The following KDM5D variants were observed in gnomAD, a reference collection of about 807,000 sequenced individuals.
KDM5D encodes the protein lysine-specific demethylase 5D.
A neutral mutation model predicts 31.9 loss-of-function variants in KDM5D; 25 were observed. The observed-to-expected ratio is 0.78, with a 90% CI of 0.57 to 1.09. The LOEUF is 1.09. Among genes scored for constraint, KDM5D ranks in the 50% least tolerant of loss-of-function variants. The probability of loss-of-function intolerance (pLI) is 0.00; values close to 1 mark genes in which losing one functional copy is unlikely to be tolerated. For missense variants in KDM5D, 366 were observed against 341.6 expected, an observed-to-expected ratio of 1.07 and a Z score of -0.56; for synonymous variants, 146 against 122.3, an observed-to-expected ratio of 1.19 and a Z score of -1.28.
Position 19,716,014 on chromosome Y carries a change from T to C in KDM5D, c.2032-10A>G. 2.5e-6 allele frequency: 1 copy of C among 395,455 alleles called. No individual in the cohort carries two copies. The highest frequency in any genetic ancestry group is 3.6e-6 in the Non-Finnish European group (1 of 280,831). ...CAGCCTCCGTGACGCCCTGGGGGTG[T>C]TCAACCCACATATACTGTAAAGACT... On this transcript the variant is annotated splice_polypyrimidine_tract_variant and intron_variant, in intron 15 of 26. Transcript: ENST00000317961.
intron 13 of KDM5D, among the ~76,000 whole-genome samples, chrY:19,716,969 A>C (rs1178232308): frequency 1.8e-4 from 6 of 33,820 alleles, no homozygotes; most frequent in Non-Finnish European, 3.7e-4. Flanking sequence ...TTGCTTCTAT[A>C]ATCAAAGAAA....
At position 19,705,137 on chromosome Y, in the gene KDM5D, C is replaced by A. The variant is rs2045218867; in HGVS notation, c.*858G>T. ...AATGATGCAATGCAACAAGTTAACT[C>A]AGATATTGGCACATGCAAGTCCAGC... On this transcript the variant is annotated 3_prime_UTR_variant, in exon 27 of 27. Coordinates refer to ENST00000317961, the MANE Select transcript of KDM5D (RefSeq NM_004653.5). 3.0e-5 allele frequency: 1 copy of A among 33,666 alleles called. No individual in the cohort carries two copies. Among genetic ancestry groups the A allele is most frequent in the Non-Finnish European group, 7.4e-5 (1 of 13,575 alleles). 8.4% of individuals were successfully genotyped at this position (33,666 alleles called of 400,897 possible). A position where few individuals can be genotyped will look rare whatever the true frequency, so the allele number is the denominator to read the frequency against.
chrY:19,721,793 ATC>A (rs2045397384), intron 11 of KDM5D: 1 of 33,994 alleles, frequency 2.9e-5, no homozygotes, highest in African/African-American at 1.2e-4. Context: ...GCTGAAAAAA[ATC>A]TCTAGCAATA....
chrY:19,733,420 G>A, intron 8 of KDM5D, among the ~76,000 whole-genome samples: 1 of 31,933 alleles, frequency 3.1e-5, no homozygotes, highest in Non-Finnish European at 7.6e-5. Flanking sequence ...TAACTCAAGA[G>A]CAGAAGAAAC....
At chrY:19,710,078 T>C in intron 19 of KDM5D, 1 of 358,703 alleles carries the variant, frequency 2.8e-6, no homozygotes, top group South Asian at 3.3e-5. Context: ...AAGACTCTGG[T>C]GTCTGGAGGG....
intron 18 of KDM5D, among the ~76,000 whole-genome samples, chrY:19,712,369 C>A (rs1603545753): frequency 3.0e-5 from 1 of 33,460 alleles, no homozygotes; most frequent in East Asian, 7.8e-4. Context: ...CTGCTGACAT[C>A]GTAGCAGTTG....
At chrY:19,721,768 A>T in intron 11 of KDM5D, 1 of 33,501 alleles carries the variant, frequency 3.0e-5, no homozygotes, top group Non-Finnish European at 7.3e-5. Context: ...CAAAATAAAA[A>T]CTTCATTTGT....
chrY:19,722,678 A>C, intron 11 of KDM5D, among the ~76,000 whole-genome samples: 1 of 32,661 alleles, frequency 3.1e-5, no homozygotes, highest in Non-Finnish European at 7.5e-5. Flanking sequence ...AAACTGAACA[A>C]ATACAATAGG....
chrY:19,741,167 G>A, intron 5 of KDM5D, 151 bp downstream of exon 5: 1 of 151,772 alleles, frequency 6.6e-6, no homozygotes. Context: ...AGGCTGCAAA[G>A]TATTTTCTAG....
intron 11 of KDM5D, chrY:19,723,306 A>G: frequency 2.3e-5 from 1 of 43,547 alleles, no homozygotes; most frequent in Non-Finnish European, 5.2e-5. Flanking sequence ...ACCATGTGCA[A>G]AAAGTAACTC....
chrY:19,714,604 A>C, intron 18 of KDM5D, among the ~76,000 whole-genome samples: 3 of 33,892 alleles, frequency 8.9e-5, no homozygotes, highest in Non-Finnish European at 1.5e-4. Context: ...GTTACAACTG[A>C]CAACAATATT....
At chrY:19,719,998 G>A in intron 13 of KDM5D, among the ~76,000 whole-genome samples, 1 of 32,848 alleles carries the variant, frequency 3.0e-5, no homozygotes, top group East Asian at 7.9e-4. Flanking sequence ...GACTCCTTCA[G>A]GCTGACATGA....
At chrY:19,710,118 C>A in intron 19 of KDM5D, 1 of 361,647 alleles carries the variant, frequency 2.8e-6, no homozygotes, top group South Asian at 3.3e-5. Context: ...TCAGTCCTCT[C>A]CACCCCATTC....
chrY:19,714,229 AC>A (rs2045318410), intron 18 of KDM5D, among the ~76,000 whole-genome samples: 1 of 32,696 alleles, frequency 3.1e-5, no homozygotes, highest in Admixed American at 2.7e-4. Context: ...GGGTGATAAA[AC>A]CCCTATGTAC....
Position 19,721,178 on chromosome Y carries a change from C to T in KDM5D, c.1505G>A (p.Cys502Tyr). The T allele has an allele frequency of 2.5e-6, 1 of 398,768 alleles. No homozygotes were observed. The highest frequency in any genetic ancestry group is 3.5e-6 in the Non-Finnish European group (1 of 283,484). Residue 502 changes from cysteine to tyrosine, a missense_variant, in exon 12 of 27, where the codon TGT becomes TAT. Transcript: ENST00000317961. Reference protein sequence around the residue: ...LYVGMVFSAFCWHIEDHWSYS... With the variant: ...LYVGMVFSAFYWHIEDHWSYS... ...ACTCCAGTGATCCTCAATATGCCAA[C>T]AAAATGCTGAGAAAACCATGCCCAC... is the stretch of plus-strand genomic sequence containing the variant.
Position 19,735,381 on chromosome Y carries a change from G to C in KDM5D, c.904C>G (p.Leu302Val). Residue 302 changes from leucine (L) to valine (V), a missense_variant, in exon 8 of 27, where the codon CTT (leucine) becomes GTT (valine). By Grantham distance (32) the Leu-to-Val change is conservative. Transcript: ENST00000317961. ...TGGGCACTGCTGTGATTCTTTCGAA[G>C]TTGCATGGTTGTCTTAGTGCAGGGC... is the stretch of plus-strand genomic sequence containing the variant. ...LEPCTKTTMQ[L>V]RKNHSSAQFI... 1 of 397,964 alleles carries C rather than the reference G, an allele frequency of 2.5e-6. No individual in the cohort carries two copies. The highest frequency in any genetic ancestry group is 3.0e-5 in the South Asian group (1 of 33,767).
At chrY:19,731,241 G>C in intron 11 of KDM5D, among the ~76,000 whole-genome samples, 1 of 32,729 alleles carries the variant, frequency 3.1e-5, no homozygotes, top group African/African-American at 1.2e-4. Context: ...TATTTTTTTT[G>C]GTTCTCCACT....
chrY:19,717,908 G>C (rs2045360825), intron 13 of KDM5D, among the ~76,000 whole-genome samples: 1 of 33,895 alleles, frequency 3.0e-5, no homozygotes, highest in Non-Finnish European at 7.3e-5. Flanking sequence ...CTAACAGAAA[G>C]CAGAAAAAGA....
In KDM5D at chrY:19,735,462, G is replaced by A; in HGVS notation, c.823C>T (p.Gln275Ter). 1 of 398,323 alleles carries A rather than the reference G, an allele frequency of 2.5e-6. No individual in the cohort carries two copies. The highest frequency in any genetic ancestry group is 3.5e-6 in the Non-Finnish European group (1 of 283,255). The change falls in exon 8 of 27, where the codon CAA (glutamine) becomes TAA (stop). Residue 275 changes from glutamine to a stop codon, truncating the protein, a stop_gained. Transcript: ENST00000317961. LOFTEE classifies it high-confidence loss of function. ...CPPTVTVKDE[Q>*]SGGGNVSSTL... ...GATGACACGTTCCCACCTCCACTTT[G>A]CTCATCCTTCACCGTAACAGTTGGG...
Sources: allele counts gnomAD v4.1 joint callset (sites outside exome capture counted in the v4.1 genomes callset), GRCh38; gene constraint gnomAD v4.1.1; transcripts MANE v1.5; gene names NCBI Gene and HGNC (gene_info 2026-07-23, HGNC 2026-07-21).